Variants in ZFHX3 observed in about 807,000 individuals in gnomAD.
The protein encoded by ZFHX3 is zinc finger homeobox 3, also known as zinc finger homeobox protein 3.
A neutral mutation model predicts 279.1 loss-of-function variants in ZFHX3; 42 were observed. The observed-to-expected ratio is 0.15, with a 90% CI of 0.12 to 0.19. ZFHX3 has a LOEUF of 0.19. ZFHX3 is among the 10% of genes least tolerant of loss of function. ZFHX3 has a pLI of 1.00. For missense variants in ZFHX3, 4,981 were observed against 4,754.0 expected, an observed-to-expected ratio of 1.05 and a Z score of -1.40; for synonymous variants, 2,293 against 1,957.8, an observed-to-expected ratio of 1.17 and a Z score of -4.52.
At chr16:73,708,012 G>A (rs1196521332) in intron 1 of ZFHX3, among the ~76,000 whole-genome samples, 1 of 148,838 alleles carries the variant, frequency 6.7e-6, no homozygotes, top group African/African-American at 2.4e-5. Context: ...GAGCTGGGTG[G>A]TAGAGATAGA....
At chr16:73,141,049 C>G (rs1966846623) in intron 6 of ZFHX3, among the ~76,000 whole-genome samples, 2 of 152,214 alleles carry the variant, frequency 1.3e-5, no homozygotes, top group African/African-American at 4.8e-5. Flanking sequence ...CACTTACACT[C>G]TACATCTTGA....
chr16:73,887,742 C>CT (rs934438552), intron 1 of ZFHX3, among the ~76,000 whole-genome samples: 10 of 152,010 alleles, frequency 6.6e-5, no homozygotes, highest in South Asian at 2.1e-4. Flanking sequence ...AACACACACA[C>CT]TTTTTTTTGT....
intron 4 of ZFHX3, among the ~76,000 whole-genome samples, chr16:73,283,508 A>G (rs1391956389): frequency 2.0e-5 from 3 of 152,158 alleles, no homozygotes; most frequent in Admixed American, 1.3e-4. Flanking sequence ...CAGGCCCGCT[A>G]CTGGGGGGAC....
intron 4 of ZFHX3, among the ~76,000 whole-genome samples, chr16:73,285,710 C>G (rs1441091272): frequency 6.6e-6 from 1 of 152,224 alleles, no homozygotes; most frequent in African/African-American, 2.4e-5. Context: ...CTCATATTTA[C>G]ACTTTTTATT....
chr16:73,039,892 G>C (rs1308512846), intron 1 of ZFHX3, among the ~76,000 whole-genome samples: 1 of 151,614 alleles, frequency 6.6e-6, no homozygotes, highest in African/African-American at 2.4e-5. Context: ...TTGCAAAATG[G>C]CTTCTCTCCA....
chr16:73,487,112 A>G (rs115233887), intron 2 of ZFHX3, among the ~76,000 whole-genome samples: 97 of 152,358 alleles, frequency 6.4e-4, no homozygotes, highest in African/African-American at 2.0e-3. Flanking sequence ...ATAGCTTGCT[A>G]TTTAGAAAAA....
chr16:72,788,935 A>T (rs1203535435), intron 9 of ZFHX3, 87 bp from the exon 10 acceptor site: 3 of 1,487,372 alleles, frequency 2.0e-6, no homozygotes, highest in Non-Finnish European at 2.7e-6. Context: ...TCACTGGCAC[A>T]CAGTTTGAGA....
intron 2 of ZFHX3, among the ~76,000 whole-genome samples, chr16:73,624,964 G>A (rs2052401876): frequency 6.6e-6 from 1 of 152,122 alleles, no homozygotes; most frequent in Admixed American, 6.5e-5. Context: ...ATTGCTGATG[G>A]TCCCATTTTC....
intron 1 of ZFHX3, among the ~76,000 whole-genome samples, chr16:73,881,386 C>T (rs539133659): frequency 4.1e-5 from 6 of 146,562 alleles, no homozygotes; most frequent in East Asian, 4.1e-4. Flanking sequence ...TGGATTATGT[C>T]GTATTGGACC....
intron 1 of ZFHX3, among the ~76,000 whole-genome samples, chr16:72,994,939 C>G (rs957052199): frequency 6.6e-6 from 1 of 152,142 alleles, no homozygotes; most frequent in Non-Finnish European, 1.5e-5. Context: ...TGAAAGCATT[C>G]CCATCAAGTT....
intron 3 of ZFHX3, among the ~76,000 whole-genome samples, chr16:73,398,855 G>GTT (rs1262515645): frequency 1.4e-5 from 1 of 73,140 alleles, no homozygotes; most frequent in Non-Finnish European, 3.4e-5. Flanking sequence ...AAGTGGCAGT[G>GTT]GTTTTTTTTG....
At chr16:73,594,438 G>A (rs936370017) in intron 2 of ZFHX3, among the ~76,000 whole-genome samples, 2 of 152,074 alleles carry the variant, frequency 1.3e-5, no homozygotes, top group African/African-American at 4.8e-5. Flanking sequence ...AATGAAAATC[G>A]CAAGCAATAG....
chr16:72,814,895 C>G (rs2036559877), intron 5 of ZFHX3, among the ~76,000 whole-genome samples: 1 of 152,182 alleles, frequency 6.6e-6, no homozygotes, highest in South Asian at 2.1e-4. Flanking sequence ...TCACTGGCCC[C>G]TTCTCTAAAG....
chr16:73,734,782 T>C (rs1047964752), intron 1 of ZFHX3, among the ~76,000 whole-genome samples: 9 of 152,178 alleles, frequency 5.9e-5, no homozygotes, highest in African/African-American at 2.2e-4. Context: ...ATACTAGTGA[T>C]GCTTTATGTG....
At chr16:73,507,785 G>A (rs1273180565) in intron 2 of ZFHX3, among the ~76,000 whole-genome samples, 1 of 152,128 alleles carries the variant, frequency 6.6e-6, no homozygotes, top group Non-Finnish European at 1.5e-5. Context: ...ACAGGCAAGA[G>A]CCACTGTGCC....
rs565664402 is a variant in ZFHX3 at position 72,874,198 on chromosome 16, A to ATTTTTTTTTTTTTTTTTTTT, written c.3448+15513_3448+15532dup. ...TGGAGCTCAGATGGAGGATTTTTTG[A>ATTTTTTTTTTTTTTTTTTTT]TTTTTTTTTTTTTTTTTTTTTTTTT... On this transcript the variant is annotated intron_variant, in intron 4 of 9. Transcript: ENST00000268489. Among the ~76,000 whole-genome samples, 4 of 95,158 alleles carry ATTTTTTTTTTTTTTTTTTTT rather than the reference A, an allele frequency of 4.2e-5. 2 individuals are homozygous for ATTTTTTTTTTTTTTTTTTTT. Among genetic ancestry groups the ATTTTTTTTTTTTTTTTTTTT allele is most frequent in the African/African-American group, 1.9e-4 (4 of 21,214 alleles). 62.4% of individuals were successfully genotyped at this position (95,158 alleles called of 152,430 possible).
intron 3 of ZFHX3, among the ~76,000 whole-genome samples, chr16:72,917,625 T>A (rs561834433): frequency 1.6e-4 from 25 of 152,366 alleles, no homozygotes; most frequent in African/African-American, 6.0e-4. Flanking sequence ...TAAAGCTTTT[T>A]AGAAGCCAGT....
At chr16:73,074,155 G>T (rs1191884376) in intron 8 of ZFHX3, among the ~76,000 whole-genome samples, 3 of 152,194 alleles carry the variant, frequency 2.0e-5, no homozygotes, top group Non-Finnish European at 4.4e-5. Context: ...CCTTTATTGT[G>T]GCATCTTTCA....
At chr16:73,617,137 C>A (rs1458689603) in intron 2 of ZFHX3, among the ~76,000 whole-genome samples, 1 of 152,184 alleles carries the variant, frequency 6.6e-6, no homozygotes, top group Non-Finnish European at 1.5e-5. Context: ...CTAAACTAAA[C>A]CCCTATTTCT....
Sources: allele counts gnomAD v4.1 joint callset (sites outside exome capture counted in the v4.1 genomes callset), GRCh38; gene constraint gnomAD v4.1.1; transcripts MANE v1.5; gene names NCBI Gene and HGNC (gene_info 2026-07-23, HGNC 2026-07-21).